Variants in ASB8 observed in about 807,000 individuals in gnomAD.
The protein encoded by ASB8 is ankyrin repeat and SOCS box containing 8, also known as ankyrin repeat and SOCS box protein 8.
In ASB8, 15 loss-of-function variants were observed where a neutral mutation model predicts 22.9. The observed-to-expected ratio is 0.66, with a 90% CI of 0.44 to 1.01. ASB8 has a LOEUF of 1.01. ASB8 is among the 50% of genes least tolerant of loss of function. The pLI is 0.00. For missense variants in ASB8, 294 were observed against 356.9 expected (o/e 0.82, Z 1.42); for synonymous variants, 124 against 140.8 (o/e 0.88, Z 0.84).
intron 1 of ASB8, among the ~76,000 whole-genome samples, chr12:48,156,398 G>GA (rs549037845): frequency 0.019 from 2,854 of 150,226 alleles, 69 homozygotes; most frequent in African/African-American, 0.047. Context: ...TTGTTTCAAG[G>GA]AAAAAAAAAG....
chr12:48,153,062 GTATAGA>G, intron 2 of ASB8: 1 of 268,878 alleles, frequency 3.7e-6, no homozygotes, highest in Non-Finnish European at 7.3e-6. Context: ...AATAAAACAT[GTATAGA>G]AGACTTTGAG....
chr12:48,153,361 C>T lies in ASB8; in HGVS notation c.129+7G>A, dbSNP rs1274041181. On this transcript the variant is annotated splice_region_variant and intron_variant, in intron 2 of 3. Transcript: ENST00000317697. ...AAGGACTCTCCTGTCAATACCAGCA[C>T]ACTCACCCCTCTGATGAGGTCCTCT... is the stretch of plus-strand genomic sequence containing the variant. 2.5e-6 allele frequency: 4 copies of T among 1,613,802 alleles called. No individual in the cohort carries two copies. In the South Asian group the frequency reaches 3.3e-5, roughly 13 times the overall value.
intron 2 of ASB8, among the ~76,000 whole-genome samples, chr12:48,151,918 G>A (rs1236122929): frequency 2.0e-5 from 3 of 152,190 alleles, no homozygotes; most frequent in African/African-American, 7.2e-5. Context: ...TTGGGAGGCT[G>A]AGGTGGGCAG....
At chr12:48,154,966 A>T (rs1951276254) in intron 1 of ASB8, among the ~76,000 whole-genome samples, 1 of 152,160 alleles carries the variant, frequency 6.6e-6, no homozygotes, top group Non-Finnish European at 1.5e-5. Flanking sequence ...ATGAGTGAAA[A>T]TTTTTAATAA....
chr12:48,156,171 G>A (rs1379444189), intron 1 of ASB8, among the ~76,000 whole-genome samples: 1 of 152,088 alleles, frequency 6.6e-6, no homozygotes, highest in African/African-American at 2.4e-5. Context: ...ATTTATAGTA[G>A]ATGTAAATTC....
intron 1 of ASB8, among the ~76,000 whole-genome samples, chr12:48,154,342 G>A (rs549099288): frequency 2.0e-5 from 3 of 152,020 alleles, no homozygotes; most frequent in Non-Finnish European, 2.9e-5. Flanking sequence ...TTAGCTGGAC[G>A]TGGTGGTGGG....
rs1374291624 is a variant in ASB8, at chr12:48,149,475, A to C, written c.758T>G (p.Leu253Arg). The change falls in exon 4 of 4, where the codon CTC becomes CGC. Residue 253 changes from leucine to arginine, a missense_variant. Leu to Arg is a moderately radical substitution (Grantham distance 102, BLOSUM62 -2). Coordinates refer to ENST00000317697, the MANE Select transcript of ASB8 (RefSeq NM_024095.5). ...GCTACGGCGCACGGCATAGCGAGCGAGTGTTTTTAGAGTTCCTGGAGCTGA... is the reference window on the plus strand; with the variant it reads ...GCTACGGCGCACGGCATAGCGAGCGCGTGTTTTTAGAGTTCCTGGAGCTGA... The part of the protein sequence containing the change: ...LCSAPGTLKT[L>R]ARYAVRRSLG... 2 of 1,613,300 alleles carry C rather than the reference A, an allele frequency of 1.2e-6. No homozygotes were observed. Among genetic ancestry groups the C allele is most frequent in the Non-Finnish European group, 1.7e-6 (2 of 1,179,360 alleles).
At chr12:48,153,822 A>C (rs1232108557) in intron 1 of ASB8, 7 of 198,986 alleles carry the variant, frequency 3.5e-5, no homozygotes, top group Middle Eastern at 1.9e-3. Flanking sequence ...GATTTTTAAA[A>C]GGCTGAAGAG....
chr12:48,154,398 G>A (rs747269704), intron 1 of ASB8, among the ~76,000 whole-genome samples: 20 of 148,634 alleles, frequency 1.3e-4, no homozygotes, highest in Middle Eastern at 3.5e-3. Flanking sequence ...GGAGAATGGC[G>A]TGAACCTGGG....
chr12:48,151,609 C>T (rs1395578750), intron 2 of ASB8: 1 of 1,424,790 alleles, frequency 7.0e-7, no homozygotes, highest in Non-Finnish European at 9.3e-7. Context: ...GCACTGGAAA[C>T]CTTATCATCA....
chr12:48,149,283 TTTTC>T lies in ASB8; in HGVS notation c.*79_*82del. ...TAAACCACACAACAGGAACAACTGT[TTTTC>T]TGTTTTCTGTGACAAGGAGTACTGC... On this transcript the variant is annotated 3_prime_UTR_variant, in exon 4 of 4. Transcript: ENST00000317697. 1 of 1,401,402 alleles carries T rather than the reference TTTTC, an allele frequency of 7.1e-7. No homozygotes were observed. Among genetic ancestry groups the T allele is most frequent in the Admixed American group, 2.2e-5 (1 of 46,396 alleles). The allele number at this position is 1,401,402 out of a possible 1,614,324, so 86.8% of individuals were successfully genotyped here. A position where few individuals can be genotyped will look rare whatever the true frequency, so the allele number is the denominator to read the frequency against.
chr12:48,152,138 G>A (rs1266235562), intron 2 of ASB8, among the ~76,000 whole-genome samples: 12 of 134,864 alleles, frequency 8.9e-5, no homozygotes, highest in Non-Finnish European at 1.5e-4. Context: ...GGCGACGAGC[G>A]AAACTCCGTC....
Position 48,149,301 on chromosome 12 carries a change from A to G in ASB8, c.*65T>C. On this transcript the variant is annotated 3_prime_UTR_variant, in exon 4 of 4. Coordinates refer to ENST00000317697, the MANE Select transcript of ASB8 (RefSeq NM_024095.5). ...CAACTGTTTTTCTGTTTTCTGTGAC[A>G]AGGAGTACTGCAGGGACAACCTCAC... 5.4e-6 allele frequency: 8 copies of G among 1,471,584 alleles called. No homozygotes were observed. In the South Asian group the frequency reaches 9.0e-5, roughly 16 times the overall value. 91.2% of individuals were successfully genotyped at this position (1,471,584 alleles called of 1,614,324 possible).
intron 2 of ASB8, among the ~76,000 whole-genome samples, chr12:48,152,156 A>T (rs1453787883): frequency 4.6e-5 from 7 of 151,974 alleles, no homozygotes; most frequent in African/African-American, 7.3e-5. Context: ...GTCTCAAAAA[A>T]AAAAAAAAAA....
In ASB8 at chr12:48,149,429, G is replaced by C. The variant is rs372384775; in HGVS notation, c.804C>G (p.Pro268=). Residue 268 remains proline, a synonymous_variant, in exon 4 of 4, where the codon CCC becomes CCG. Coordinates refer to ENST00000317697, the MANE Select transcript of ASB8 (RefSeq NM_024095.5). ...VRRSLGLQYL[P]DAVKGLPLPA... ...GCAGTGGAAGGCCCTTCACTGCATC[G>C]GGGAGATACTGGAGTCCCAGGCTAC... 6.2e-7 allele frequency: 1 copy of C among 1,613,956 alleles called. No homozygotes were observed. The highest frequency in any genetic ancestry group is 2.2e-5 in the East Asian group (1 of 44,890).
chr12:48,151,033 T>C, intron 3 of ASB8, 168 bp downstream of exon 3: 2 of 628,844 alleles, frequency 3.2e-6, no homozygotes, highest in Non-Finnish European at 5.6e-6. Context: ...GATCATTTTA[T>C]ATATTTACCA....
chr12:48,152,408 A>G (rs1048633363), intron 2 of ASB8, among the ~76,000 whole-genome samples: 7 of 152,282 alleles, frequency 4.6e-5, no homozygotes, highest in African/African-American at 1.7e-4. Flanking sequence ...AACCATCTGG[A>G]TGCATTTTCT....
chr12:48,154,499 AAG>A (rs1491212847), intron 1 of ASB8, among the ~76,000 whole-genome samples: 3 of 151,234 alleles, frequency 2.0e-5, no homozygotes, highest in Admixed American at 2.0e-4. Context: ...AAAAAAAAAA[AAG>A]GAAATATTTG....
At position 48,148,194 on chromosome 12, in the gene ASB8, A is replaced by G. The variant is rs1951131279; in HGVS notation, c.*1172T>C. On this transcript the variant is annotated 3_prime_UTR_variant, in exon 4 of 4. Coordinates refer to ENST00000317697, the MANE Select transcript of ASB8 (RefSeq NM_024095.5). ...CCAAACTAAGCAGAGTGAACTTTCC[A>G]TTGGGAATGAAGACCCATGGGAAAA... 1 of 152,242 alleles carries G rather than the reference A, an allele frequency of 6.6e-6. No homozygotes were observed. Among genetic ancestry groups the G allele is most frequent in the Non-Finnish European group, 1.5e-5 (1 of 68,052 alleles). 9.4% of individuals were successfully genotyped at this position (152,242 alleles called of 1,614,324 possible).
Sources: allele counts gnomAD v4.1 joint callset (sites outside exome capture counted in the v4.1 genomes callset), GRCh38; gene constraint gnomAD v4.1.1; transcripts MANE v1.5; gene names NCBI Gene and HGNC (gene_info 2026-07-23, HGNC 2026-07-21).